ARHGAP23: variants seen among roughly 807,000 people sequenced by gnomAD.
The protein encoded by ARHGAP23 is Rho GTPase activating protein 23, also known as rho GTPase-activating protein 23.
ARHGAP23 carries 34 observed loss-of-function variants against 136.3 expected under a neutral mutation model. The observed-to-expected ratio is 0.25, with a 90% confidence interval of 0.19 to 0.33. ARHGAP23 has a LOEUF of 0.33. ARHGAP23 is among the 10% of genes least tolerant of loss of function. The pLI is 1.00. For synonymous variants in ARHGAP23, 832 were observed against 920.5 expected, an observed-to-expected ratio of 0.90 and a Z score of 1.74; for missense variants, 1,808 against 2,139.0, an observed-to-expected ratio of 0.85 and a Z score of 3.05.
At chr17:38,445,339 TG>T (rs2039009465) in intron 1 of ARHGAP23, among the ~76,000 whole-genome samples, 1 of 141,344 alleles carries the variant, frequency 7.1e-6, no homozygotes, top group Non-Finnish European at 1.5e-5. Flanking sequence ...TAGCTGGGCA[TG>T]GTGGCTCGCA....
chr17:38,469,814 C>A (rs2039703084), intron 9 of ARHGAP23, 33 bp from the exon 10 acceptor site: 1 of 1,550,800 alleles, frequency 6.4e-7, no homozygotes, highest in Admixed American at 2.0e-5. Context: ...GCTTTGCTGC[C>A]CACATCCCTC....
At position 38,443,087 on chromosome 17, in the gene ARHGAP23, G is replaced by T. The variant is rs568853500; in HGVS notation, c.63+14539G>T. The stretch of plus-strand genomic sequence containing the variant: ...AGTGACCTTGAGTGATGATCTTGAG[G>T]TCACACAGCCAGAAAAGGGCCAGGG... On this transcript the variant is annotated intron_variant, in intron 1 of 23. Transcript: ENST00000622683. 4.6e-5 allele frequency among the ~76,000 whole-genome samples: 7 copies of T among 152,322 alleles called. No homozygotes were observed. In the South Asian group the frequency reaches 1.5e-3, roughly 32 times the overall value.
At chr17:38,420,767 A>G (rs1009502034) in intron 1 of ARHGAP23, among the ~76,000 whole-genome samples, 1 of 143,996 alleles carries the variant, frequency 6.9e-6, no homozygotes, top group Non-Finnish European at 1.5e-5. Context: ...TAAATGGCCA[A>G]TGGCAGCTCC....
chr17:38,488,565 T>C (rs2144744246), intron 17 of ARHGAP23, among the ~76,000 whole-genome samples: 1 of 152,380 alleles, frequency 6.6e-6, no homozygotes, highest in Non-Finnish European at 1.5e-5. Context: ...TTTTGTTTTT[T>C]GAGACAGAGT....
At chr17:38,437,877 A>C (rs1438710306) in intron 1 of ARHGAP23, among the ~76,000 whole-genome samples, 1 of 152,048 alleles carries the variant, frequency 6.6e-6, no homozygotes, top group African/African-American at 2.4e-5. Flanking sequence ...TCTGTGATTC[A>C]GTGTGGAGTC....
Position 38,510,661 on chromosome 17 carries a change from C to G in ARHGAP23, c.4165C>G (p.Arg1389Gly), listed in dbSNP as rs1260441632. 1.4e-6 allele frequency: 2 copies of G among 1,384,648 alleles called. No homozygotes were observed. The highest frequency in any genetic ancestry group is 8.0e-5 in the Admixed American group (2 of 25,132). 85.8% of individuals were successfully genotyped at this position (1,384,648 alleles called of 1,614,324 possible). ...GGACGACATGCTCGCCGTGCGCCTG[C>G]GGCGGCCGCTGTCGCCCGAGACCCG... ...TADDMLAVRL[R>G]RPLSPETRRR... The change falls in exon 24 of 24, where the codon CGG (arginine) becomes GGG (glycine). Residue 1389 changes from arginine to glycine, a missense_variant. By Grantham distance (125) the Arg-to-Gly change is moderately radical. This residue lies in a region of ARHGAP23 where 506 missense variants were observed against 455.8 expected (regional missense o/e 1.11). Transcript: ENST00000622683. This position sits in a 1 kb window ranked among gnomAD's most constrained non-coding sequence, Gnocchi z 4.6.
intron 15 of ARHGAP23, 40 bp downstream of exon 15, chr17:38,482,183 G>A (rs2040060398): frequency 5.8e-6 from 9 of 1,540,530 alleles, no homozygotes; most frequent in Non-Finnish European, 7.9e-6. Context: ...CCAGCAGGGG[G>A]AGACCGAGGC....
intron 1 of ARHGAP23, among the ~76,000 whole-genome samples, chr17:38,440,733 C>T (rs935590015): frequency 7.2e-5 from 11 of 152,100 alleles, no homozygotes; most frequent in African/African-American, 2.4e-4. Flanking sequence ...GGACAGGGGC[C>T]GTGGACTGGG....
At chr17:38,449,659 G>A (rs1272229163) in intron 1 of ARHGAP23, among the ~76,000 whole-genome samples, 1 of 152,208 alleles carries the variant, frequency 6.6e-6, no homozygotes, top group Non-Finnish European at 1.5e-5. Context: ...ACGGATCTGT[G>A]GTGGGATTTG....
intron 1 of ARHGAP23, among the ~76,000 whole-genome samples, chr17:38,453,122 G>A (rs1162371740): frequency 6.6e-6 from 1 of 152,222 alleles, no homozygotes; most frequent in Non-Finnish European, 1.5e-5. Context: ...TGTGGAGTGC[G>A]TGGGTGGGTA....
chr17:38,479,248 C>T (rs1202893093), intron 12 of ARHGAP23, among the ~76,000 whole-genome samples, 188 bp from the exon 13 acceptor site: 2 of 152,118 alleles, frequency 1.3e-5, no homozygotes, highest in African/African-American at 4.8e-5. Flanking sequence ...CTCAGAGAGG[C>T]TAAGAGGCTT....
Position 38,489,362 on chromosome 17 carries a change from C to A in ARHGAP23, c.2987-740C>A, listed in dbSNP as rs1008938615. On this transcript the variant is annotated intron_variant, in intron 17 of 23. Transcript: ENST00000622683. ...TTGTGTATTGTGAGCTAGAAATGAT[C>A]CCCCCGCCCCCGATGGTAGCCATTT... 7.5e-5 allele frequency among the ~76,000 whole-genome samples: 10 copies of A among 132,478 alleles called. No homozygotes were observed. In the Admixed American group the frequency reaches 7.9e-4, roughly 10 times the overall value. 86.9% of individuals were successfully genotyped at this position (132,478 alleles called of 152,430 possible).
At chr17:38,435,965 A>G (rs914686493) in intron 1 of ARHGAP23, among the ~76,000 whole-genome samples, 4 of 152,232 alleles carry the variant, frequency 2.6e-5, no homozygotes, top group Non-Finnish European at 5.9e-5. Context: ...CCTCCCCAAG[A>G]GAGGTGGAGG....
chr17:38,447,254 C>G (rs1336875733), intron 1 of ARHGAP23, among the ~76,000 whole-genome samples: 1 of 151,828 alleles, frequency 6.6e-6, no homozygotes, highest in East Asian at 1.9e-4. Context: ...TTAGCCTGGC[C>G]AACATGGTGA....
intron 1 of ARHGAP23, among the ~76,000 whole-genome samples, chr17:38,433,867 A>G (rs759337687): frequency 2.6e-5 from 4 of 152,190 alleles, no homozygotes; most frequent in Non-Finnish European, 5.9e-5. Flanking sequence ...GCCGAGGGAC[A>G]GAGAGGAGCC....
intron 16 of ARHGAP23, 115 bp downstream of exon 16, chr17:38,482,793 C>T (rs1425961942): frequency 1.5e-5 from 19 of 1,240,082 alleles, no homozygotes; most frequent in African/African-American, 3.0e-5. Flanking sequence ...ATGACATGCC[C>T]GGCATTGGTC....
intron 11 of ARHGAP23, among the ~76,000 whole-genome samples, chr17:38,474,424 G>A (rs1181086949): frequency 6.6e-6 from 1 of 152,168 alleles, no homozygotes; most frequent in Non-Finnish European, 1.5e-5. Context: ...CTGCTGGGAG[G>A]TATGGAAGGA....
intron 11 of ARHGAP23, among the ~76,000 whole-genome samples, chr17:38,472,594 GA>G (rs1485996088): frequency 6.6e-6 from 1 of 152,148 alleles, no homozygotes; most frequent in Non-Finnish European, 1.5e-5. Flanking sequence ...GAGGGCCTGG[GA>G]GGGAACCAGC....
intron 17 of ARHGAP23, among the ~76,000 whole-genome samples, chr17:38,488,337 G>A (rs562200444): frequency 8.7e-4 from 133 of 152,222 alleles, no homozygotes; most frequent in Non-Finnish European, 1.4e-3. Flanking sequence ...CATATTGGCT[G>A]TTTCTATTTT....
Sources: gnomAD v4.1 joint callset for allele counts (sites outside exome capture counted in the v4.1 genomes callset) on GRCh38, gnomAD v4.1.1 for gene constraint, gnomAD v4.1.1 regional missense constraint, Gnocchi (gnomAD v3.1) non-coding constraint, MANE v1.5 for transcripts, NCBI Gene and HGNC (gene_info 2026-07-23, HGNC 2026-07-21) for gene names.